Variants in WDPCP observed in about 807,000 individuals in gnomAD.
WDPCP encodes the protein WD repeat containing planar cell polarity effector.
Under a neutral mutation model 93.1 loss-of-function variants are expected in WDPCP, and 71 were observed. That is an observed-to-expected ratio of 0.76 (90% confidence interval 0.63 to 0.93). The LOEUF (loss-of-function observed/expected upper bound fraction) is 0.93. Ranked by LOEUF, WDPCP falls within the 40% of genes least tolerant of loss-of-function variation. The probability of loss-of-function intolerance (pLI) is 0.00; values close to 1 mark genes in which losing one functional copy is unlikely to be tolerated. For missense variants in WDPCP, 844 were observed against 887.4 expected (o/e 0.95, Z 0.62); for synonymous variants, 315 against 315.0 (o/e 1.00, Z 0.00).
chr2:63,680,913 T>C (rs1710485575), intron 2 of WDPCP, among the ~76,000 whole-genome samples: 1 of 152,088 alleles, frequency 6.6e-6, no homozygotes, highest in Admixed American at 6.5e-5. Flanking sequence ...CCCTAGCTCC[T>C]GGACAACATA....
At chr2:63,837,770 C>G in the WDPCP span, among the ~76,000 whole-genome samples, 1 of 152,186 alleles carries the variant, frequency 6.6e-6, no homozygotes, top group Non-Finnish European at 1.5e-5. Context: ...AAAACGTTAT[C>G]TCTAAATATA....
intron 9 of WDPCP, among the ~76,000 whole-genome samples, chr2:63,408,985 G>A (rs1694814372): frequency 6.6e-6 from 1 of 152,096 alleles, no homozygotes; most frequent in Non-Finnish European, 1.5e-5. Context: ...GAAGACAAAG[G>A]GCATATAATC....
intron 1 of WDPCP, among the ~76,000 whole-genome samples, chr2:63,508,167 G>GTTA (rs1403414662): frequency 5.3e-5 from 8 of 152,122 alleles, no homozygotes; most frequent in Non-Finnish European, 1.2e-4. Context: ...GGGAAAAAAC[G>GTTA]TTAAGGGAAG....
At chr2:63,272,570 G>A (rs1682747615) in intron 13 of WDPCP, among the ~76,000 whole-genome samples, 1 of 152,092 alleles carries the variant, frequency 6.6e-6, no homozygotes, top group Non-Finnish European at 1.5e-5. Context: ...ATGAGATACA[G>A]CTAAAAATTT....
At chr2:63,499,471 A>T (rs2105997094) in intron 1 of WDPCP, among the ~76,000 whole-genome samples, 2 of 152,326 alleles carry the variant, frequency 1.3e-5, no homozygotes, top group East Asian at 1.9e-4. Flanking sequence ...AATAATTAAT[A>T]GATCAGAATT....
At chr2:63,785,101 T>C (rs896302915) in intron 2 of WDPCP, among the ~76,000 whole-genome samples, 2 of 152,340 alleles carry the variant, frequency 1.3e-5, no homozygotes, top group African/African-American at 4.8e-5. Flanking sequence ...TCTTTCTCCA[T>C]TGGTTTTGCT....
intron 6 of WDPCP, among the ~76,000 whole-genome samples, chr2:63,459,348 A>G (rs1698849561): frequency 6.6e-6 from 1 of 152,126 alleles, no homozygotes; most frequent in South Asian, 2.1e-4. Context: ...CCCAGCACAT[A>G]CAAGGAATTC....
chr2:63,167,446 TC>T (rs1673072462), intron 15 of WDPCP, among the ~76,000 whole-genome samples: 1 of 152,160 alleles, frequency 6.6e-6, no homozygotes, highest in African/African-American at 2.4e-5. Flanking sequence ...CTTAAATACA[TC>T]CCATATATTC....
At chr2:63,290,120 G>GT (rs1047719468) in intron 13 of WDPCP, among the ~76,000 whole-genome samples, 1 of 151,750 alleles carries the variant, frequency 6.6e-6, no homozygotes, top group Non-Finnish European at 1.5e-5. Flanking sequence ...GGGGTTAAGT[G>GT]TAACATCTTA....
chr2:63,839,243 C>G, the WDPCP span, among the ~76,000 whole-genome samples: 2 of 152,230 alleles, frequency 1.3e-5, no homozygotes, highest in Non-Finnish European at 2.9e-5. Context: ...AACTGATCAT[C>G]GTTTCTTATA....
chr2:63,176,972 A>G (rs1470670768), intron 14 of WDPCP, among the ~76,000 whole-genome samples: 1 of 152,188 alleles, frequency 6.6e-6, no homozygotes, highest in East Asian at 1.9e-4. Context: ...GCTCTTTTGC[A>G]TGGGGATATC....
intron 6 of WDPCP, among the ~76,000 whole-genome samples, chr2:63,464,778 C>A (rs1185307643): frequency 6.6e-6 from 1 of 151,596 alleles, no homozygotes; most frequent in Non-Finnish European, 1.5e-5. Flanking sequence ...TGAAACCAGT[C>A]AGTAACAAAA....
chr2:63,377,388 T>G (rs1240443574), intron 12 of WDPCP, among the ~76,000 whole-genome samples: 1 of 151,668 alleles, frequency 6.6e-6, no homozygotes, highest in Non-Finnish European at 1.5e-5. Context: ...TTGAAAATTC[T>G]GTTACTTTCC....
chr2:63,620,624 C>T (rs889358645), intron 3 of WDPCP, among the ~76,000 whole-genome samples: 1 of 152,222 alleles, frequency 6.6e-6, no homozygotes, highest in Non-Finnish European at 1.5e-5. Context: ...TTCCTGTCTG[C>T]CAGCTCTGAA....
intron 14 of WDPCP, among the ~76,000 whole-genome samples, chr2:63,232,210 C>T (rs1678967296): frequency 6.6e-6 from 1 of 152,158 alleles, no homozygotes; most frequent in African/African-American, 2.4e-5. Flanking sequence ...AAATGTTAGA[C>T]CTAAAACCAT....
intron 1 of WDPCP, among the ~76,000 whole-genome samples, chr2:63,519,430 T>C (rs1467105446): frequency 6.6e-6 from 1 of 152,152 alleles, no homozygotes; most frequent in Non-Finnish European, 1.5e-5. Flanking sequence ...CATGCTGCCA[T>C]GTGGCTGGCA....
chr2:63,782,020 T>C (rs1257526113), intron 2 of WDPCP, among the ~76,000 whole-genome samples: 1 of 152,166 alleles, frequency 6.6e-6, no homozygotes, highest in Non-Finnish European at 1.5e-5. Context: ...AAGCCTTTCC[T>C]TCCCCTCTTT....
At chr2:63,584,550 G>A (rs1187016155) in intron 1 of WDPCP, among the ~76,000 whole-genome samples, 2 of 151,646 alleles carry the variant, frequency 1.3e-5, no homozygotes, top group African/African-American at 4.8e-5. Flanking sequence ...ATGTTGGTGT[G>A]TAGCTATGTT....
intron 13 of WDPCP, among the ~76,000 whole-genome samples, chr2:63,277,156 CTT>C (rs1365865129): frequency 2.0e-5 from 3 of 152,112 alleles, no homozygotes; most frequent in Admixed American, 6.5e-5. Flanking sequence ...AAGATACAGT[CTT>C]TTCCAGACAG....
Sources: allele counts gnomAD v4.1 joint callset (sites outside exome capture counted in the v4.1 genomes callset), GRCh38; gene constraint gnomAD v4.1.1; transcripts MANE v1.5; gene names NCBI Gene and HGNC (gene_info 2026-07-23, HGNC 2026-07-21).